The following ENPP2 variants were observed in gnomAD, a reference collection of about 807,000 sequenced individuals.
The protein encoded by ENPP2 is autotaxin.
A neutral mutation model predicts 120.2 loss-of-function variants in ENPP2; 51 were observed. The ratio of observed to expected loss-of-function variants is 0.42; its 90% confidence interval spans 0.34 to 0.54. The LOEUF (loss-of-function observed/expected upper bound fraction) is 0.54. Ranked by LOEUF, ENPP2 falls within the 20% of genes least tolerant of loss-of-function variation. The pLI, the probability that ENPP2 is intolerant of heterozygous loss-of-function variation, is 0.04. For missense variants in ENPP2, 920 were observed against 1,066.5 expected, an observed-to-expected ratio of 0.86 and a Z score of 1.91; for synonymous variants, 365 against 366.4, an observed-to-expected ratio of 1.00 and a Z score of 0.04.
intron 9 of ENPP2, among the ~76,000 whole-genome samples, chr8:119,602,581 G>A (rs1382143791): frequency 6.6e-6 from 1 of 151,988 alleles, no homozygotes; most frequent in Admixed American, 6.6e-5. Context: ...ATTACCCTAA[G>A]TCTGGCACTA....
chr8:119,646,666 T>C (rs186825239), intron 1 of ENPP2, among the ~76,000 whole-genome samples: 8 of 152,312 alleles, frequency 5.3e-5, no homozygotes, highest in African/African-American at 1.9e-4. Context: ...TTCCATCTCA[T>C]AGGATTCTTG....
intron 2 of ENPP2, among the ~76,000 whole-genome samples, chr8:119,634,507 C>G (rs1445006970): frequency 6.6e-6 from 1 of 151,928 alleles, no homozygotes; most frequent in Non-Finnish European, 1.5e-5. Context: ...TTATCATATA[C>G]TTAACACCTT....
chr8:119,668,840 T>C (rs1310058377), intron 1 of ENPP2, among the ~76,000 whole-genome samples: 1 of 152,194 alleles, frequency 6.6e-6, no homozygotes, highest in Non-Finnish European at 1.5e-5. Context: ...CACTTCTCTC[T>C]AACTTTCTGT....
chr8:119,662,743 C>T (rs1396655448), intron 1 of ENPP2, among the ~76,000 whole-genome samples: 2 of 152,256 alleles, frequency 1.3e-5, no homozygotes, highest in East Asian at 3.9e-4. Flanking sequence ...CCATAGTTAA[C>T]CAATCCCTGA....
intron 19 of ENPP2, among the ~76,000 whole-genome samples, chr8:119,575,027 T>C (rs1049291160): frequency 1.3e-5 from 2 of 152,216 alleles, no homozygotes; most frequent in African/African-American, 4.8e-5. Context: ...GTATCTTCCA[T>C]CTCCAACAAT....
intron 8 of ENPP2, among the ~76,000 whole-genome samples, chr8:119,608,491 C>T (rs1241963441): frequency 6.6e-6 from 1 of 152,088 alleles, no homozygotes; most frequent in Non-Finnish European, 1.5e-5. Context: ...TTGATTTTTC[C>T]TAAATCTTTT....
chr8:119,657,087 G>A (rs1290676843), intron 1 of ENPP2, among the ~76,000 whole-genome samples: 1 of 151,900 alleles, frequency 6.6e-6, no homozygotes, highest in African/African-American at 2.4e-5. Flanking sequence ...ACCATGCCCG[G>A]CTAATTTCTG....
chr8:119,593,109 A>AC, intron 12 of ENPP2: 1 of 173,282 alleles, frequency 5.8e-6, no homozygotes, highest in Non-Finnish European at 1.1e-5. Context: ...ACAGTCATAT[A>AC]ATGTTTATGA....
chr8:119,581,004 C>T (rs910744273), intron 18 of ENPP2: 1 of 152,062 alleles, frequency 6.6e-6, no homozygotes, highest in Non-Finnish European at 1.5e-5. Context: ...CAGTGGCTCA[C>T]GCCTGTAATC....
intron 9 of ENPP2, 86 bp from the exon 10 acceptor site, chr8:119,601,548 C>T: frequency 2.2e-6 from 2 of 896,716 alleles, no homozygotes; most frequent in Non-Finnish European, 3.7e-6. Context: ...TGCACCCAGG[C>T]CAAATGCTCT....
At chr8:119,585,734 A>G (rs192851991) in intron 15 of ENPP2, among the ~76,000 whole-genome samples, 3 of 152,340 alleles carry the variant, frequency 2.0e-5, no homozygotes, top group Admixed American at 1.3e-4. Flanking sequence ...AAGCAATGTA[A>G]AAAGTGCCCA....
chr8:119,618,516 A>G (rs1815638101), intron 5 of ENPP2: 1 of 336,516 alleles, frequency 3.0e-6, no homozygotes, highest in Middle Eastern at 1.1e-3. Context: ...AAAGGTTCCC[A>G]TTCAGAAGCC....
intron 1 of ENPP2, among the ~76,000 whole-genome samples, chr8:119,649,237 C>CAA (rs34542482): frequency 0.013 from 1,459 of 110,050 alleles, 27 homozygotes; most frequent in African/African-American, 0.039. Flanking sequence ...ACTAAAAATA[C>CAA]AAAAAAAAAA....
intron 19 of ENPP2, chr8:119,571,959 G>A: frequency 2.1e-6 from 1 of 482,820 alleles, no homozygotes; most frequent in Non-Finnish European, 3.7e-6. Context: ...TACAACACAA[G>A]CCTGTTCTGG....
upstream of ENPP2, among the ~76,000 whole-genome samples, chr8:119,641,824 G>A (rs895628037): frequency 3.9e-5 from 6 of 152,212 alleles, no homozygotes; most frequent in Non-Finnish European, 8.8e-5. Flanking sequence ...TAAGAACCAC[G>A]TTTATGGAGA....
chr8:119,557,776 G>C, intron 24 of ENPP2, 85 bp from the exon 25 acceptor site: 1 of 1,201,498 alleles, frequency 8.3e-7, no homozygotes, highest in African/African-American at 1.5e-5. Flanking sequence ...GTCCACAAAT[G>C]ACCTCTGTGC....
chr8:119,562,463 T>G (rs1344203560), intron 24 of ENPP2, among the ~76,000 whole-genome samples: 2 of 152,152 alleles, frequency 1.3e-5, no homozygotes, highest in Non-Finnish European at 2.9e-5. Context: ...TATGGAAATT[T>G]TTAAACATCC....
chr8:119,620,749 CA>C (rs1815834037), intron 4 of ENPP2, among the ~76,000 whole-genome samples: 2 of 152,200 alleles, frequency 1.3e-5, no homozygotes, highest in African/African-American at 4.8e-5. Flanking sequence ...TCATATTCTA[CA>C]ATCAACCAGA....
At chr8:119,635,722 A>T (rs1021709198) in intron 2 of ENPP2, among the ~76,000 whole-genome samples, 3 of 152,214 alleles carry the variant, frequency 2.0e-5, no homozygotes, top group African/African-American at 7.2e-5. Context: ...TTCTCATTTC[A>T]TATCTCCTAA....
Sources: gnomAD v4.1 joint callset for allele counts (sites outside exome capture counted in the v4.1 genomes callset) on GRCh38, gnomAD v4.1.1 for gene constraint, MANE v1.5 for transcripts, NCBI Gene and HGNC (gene_info 2026-07-23, HGNC 2026-07-21) for gene names.